ESR1: variants seen among roughly 807,000 people sequenced by gnomAD.
The protein encoded by ESR1 is estrogen receptor.
Under a neutral mutation model 52.7 loss-of-function variants are expected in ESR1, and 12 were observed. The observed-to-expected ratio is 0.23, with a 90% CI of 0.15 to 0.37. ESR1 has a LOEUF of 0.37. Ranked by LOEUF, ESR1 falls within the 10% of genes least tolerant of loss-of-function variation. ESR1 has a pLI of 1.00. For synonymous variants in ESR1, 305 were observed against 316.8 expected (o/e 0.96, Z 0.39); for missense variants, 584 against 779.7 (o/e 0.75, Z 2.99).
chr6:151,776,423 G>A (rs760286821), intron 2 of ESR1, among the ~76,000 whole-genome samples: 54 of 152,380 alleles, frequency 3.5e-4, no homozygotes, highest in African/African-American at 1.3e-3. Context: ...ACTGACAGGA[G>A]TGCTTGGCAG....
intron 2 of ESR1, among the ~76,000 whole-genome samples, chr6:151,848,477 ATAAAAAAAAAAAATT>A (rs1785595096): frequency 8.1e-6 from 1 of 123,384 alleles, no homozygotes; most frequent in African/African-American, 3.2e-5. Flanking sequence ...TTAGAGTATA[ATAAAAAAAAAAAATT>A]TAAAAAAAAA....
intron 2 of ESR1, among the ~76,000 whole-genome samples, chr6:151,787,091 G>A (rs1385440171): frequency 6.6e-6 from 1 of 152,216 alleles, no homozygotes; most frequent in Admixed American, 6.5e-5. Flanking sequence ...TTACAGGCAT[G>A]AGCCACCGTG....
chr6:152,005,989 G>A (rs1050622714), intron 4 of ESR1, among the ~76,000 whole-genome samples: 6 of 152,012 alleles, frequency 3.9e-5, no homozygotes, highest in Admixed American at 1.3e-4. Flanking sequence ...AAGAGCATTG[G>A]ATAGGTGGTA....
intron 2 of ESR1, among the ~76,000 whole-genome samples, chr6:151,853,062 C>A (rs1337674938): frequency 6.8e-6 from 1 of 147,040 alleles, no homozygotes. Context: ...GTCCCAGCTA[C>A]TCAGGAGGTG....
At chr6:151,904,173 A>C (rs1797102378) in intron 3 of ESR1, among the ~76,000 whole-genome samples, 2 of 152,300 alleles carry the variant, frequency 1.3e-5, no homozygotes, top group South Asian at 4.1e-4. Context: ...TAGTGCATAG[A>C]CCTGTAGAAA....
At chr6:151,804,095 C>CAA (rs75311867), upstream of ESR1, among the ~76,000 whole-genome samples, 84,815 of 151,652 alleles carry the variant, frequency 0.56, 23,829 homozygotes, top group Admixed American at 0.59. Flanking sequence ...GCTGGGAGCC[C>CAA]GAGTGAAGTT....
At chr6:151,724,289 A>G (rs1337774286) in intron 2 of ESR1, among the ~76,000 whole-genome samples, 3 of 152,172 alleles carry the variant, frequency 2.0e-5, no homozygotes, top group Non-Finnish European at 2.9e-5. Flanking sequence ...CTGAAAACAG[A>G]GAAATGAAGT....
intron 3 of ESR1, among the ~76,000 whole-genome samples, chr6:151,905,182 GGT>G (rs1797253150): frequency 6.6e-6 from 1 of 152,158 alleles, no homozygotes; most frequent in Admixed American, 6.5e-5. Context: ...AGGCAGAGCT[GGT>G]GGAGGAAACT....
chr6:151,952,768 A>T (rs1178075135), intron 4 of ESR1, among the ~76,000 whole-genome samples: 3 of 152,146 alleles, frequency 2.0e-5, no homozygotes, highest in East Asian at 1.9e-4. Flanking sequence ...AATAGTCTTT[A>T]TTGGCTGGGT....
chr6:152,067,380 A>G (rs1046653064), intron 6 of ESR1, among the ~76,000 whole-genome samples: 1 of 152,172 alleles, frequency 6.6e-6, no homozygotes, highest in Non-Finnish European at 1.5e-5. Flanking sequence ...GTTAGGAGCC[A>G]TTTTCCATTC....
chr6:151,958,478 G>A (rs929328521), intron 4 of ESR1, among the ~76,000 whole-genome samples: 1 of 152,190 alleles, frequency 6.6e-6, no homozygotes, highest in African/African-American at 2.4e-5. Context: ...TGGTTCCTGT[G>A]TGCCCATAAG....
At chr6:151,980,919 G>T (rs2039932945) in intron 4 of ESR1, among the ~76,000 whole-genome samples, 1 of 152,180 alleles carries the variant, frequency 6.6e-6, no homozygotes, top group South Asian at 2.1e-4. Context: ...GGCCAGGCTG[G>T]TCTCAAACTC....
chr6:151,874,400 G>A (rs1404206230), intron 2 of ESR1, among the ~76,000 whole-genome samples: 1 of 152,070 alleles, frequency 6.6e-6, no homozygotes, highest in African/African-American at 2.4e-5. Flanking sequence ...GTAGTTTGTG[G>A]AGCACTTTGA....
intron 3 of ESR1, among the ~76,000 whole-genome samples, chr6:151,894,695 G>C (rs756184093): frequency 6.6e-6 from 1 of 152,068 alleles, no homozygotes; most frequent in Non-Finnish European, 1.5e-5. Context: ...GCAGTTGGCT[G>C]TAAGTATTTG....
At chr6:151,852,507 C>A (rs1402247861) in intron 2 of ESR1, among the ~76,000 whole-genome samples, 2 of 152,096 alleles carry the variant, frequency 1.3e-5, no homozygotes, top group African/African-American at 2.4e-5. Flanking sequence ...TCCTACAGGG[C>A]CAAATGCAGC....
intron 2 of ESR1, among the ~76,000 whole-genome samples, chr6:151,766,632 A>G (rs1456921693): frequency 6.6e-6 from 1 of 152,230 alleles, no homozygotes; most frequent in Non-Finnish European, 1.5e-5. Context: ...TACTATGGCA[A>G]GTATAATGTC....
At chr6:151,663,238 T>A (rs961836804) in intron 1 of ESR1, among the ~76,000 whole-genome samples, 1 of 152,234 alleles carries the variant, frequency 6.6e-6, no homozygotes, top group African/African-American at 2.4e-5. Flanking sequence ...GTTTAGAAAT[T>A]AGCTAATTTA....
chr6:152,031,834 CA>C (rs965216339), intron 5 of ESR1, among the ~76,000 whole-genome samples: 2 of 151,948 alleles, frequency 1.3e-5, no homozygotes, highest in Non-Finnish European at 2.9e-5. Context: ...AGAGACACAA[CA>C]AAAAAAGAGA....
chr6:151,755,658 T>G (rs1385181884), intron 2 of ESR1, among the ~76,000 whole-genome samples: 2 of 151,618 alleles, frequency 1.3e-5, no homozygotes, highest in East Asian at 3.9e-4. Context: ...TTTTACAGAA[T>G]CTTGCTCTGT....
Sources: gnomAD v4.1 joint callset for allele counts (sites outside exome capture counted in the v4.1 genomes callset) on GRCh38, gnomAD v4.1.1 for gene constraint, MANE v1.5 for transcripts, NCBI Gene and HGNC (gene_info 2026-07-23, HGNC 2026-07-21) for gene names.